Variants in SHANK2 observed in about 807,000 individuals in gnomAD.
SHANK2 encodes the protein SH3 and multiple ankyrin repeat domains 2.
SHANK2 carries 43 observed loss-of-function variants against 133.7 expected under a neutral mutation model. That is an observed-to-expected ratio of 0.32 (90% confidence interval 0.25 to 0.41). SHANK2 has a LOEUF of 0.41. Ranked by LOEUF, SHANK2 falls within the 10% of genes least tolerant of loss-of-function variation. The pLI is 1.00. For missense variants in SHANK2, 1,994 were observed against 2,235.8 expected (o/e 0.89, Z 2.18); for synonymous variants, 1,017 against 952.8 (o/e 1.07, Z -1.24).
intron 14 of SHANK2, among the ~76,000 whole-genome samples, chr11:70,755,299 T>A (rs1555038557): frequency 1.3e-5 from 2 of 152,218 alleles, no homozygotes; most frequent in Admixed American, 6.5e-5. Context: ...CTCGAACTCC[T>A]GACCTCAGGT....
intron 11 of SHANK2, among the ~76,000 whole-genome samples, chr11:70,875,855 C>CAAAAA (rs869042517): frequency 3.2e-5 from 3 of 94,972 alleles, no homozygotes; most frequent in African/African-American, 1.1e-4. Flanking sequence ...GACACTGTTT[C>CAAAAA]AAAAAAAAAA....
chr11:71,250,172 G>A (rs578256877), intron 1 of SHANK2, among the ~76,000 whole-genome samples: 8 of 152,146 alleles, frequency 5.3e-5, no homozygotes, highest in African/African-American at 1.4e-4. Context: ...GCTGTCAACC[G>A]AGCCCTCTGG....
At chr11:70,798,301 C>T in intron 14 of SHANK2, 142 bp downstream of exon 14, 2 of 659,194 alleles carry the variant, frequency 3.0e-6, no homozygotes, top group Non-Finnish European at 2.8e-6. Context: ...CAACCTGTTT[C>T]CAAAGATCTA....
chr11:70,662,741 CCA>C (rs1459007034), intron 15 of SHANK2, among the ~76,000 whole-genome samples: 1 of 152,064 alleles, frequency 6.6e-6, no homozygotes, highest in Non-Finnish European at 1.5e-5. Context: ...GCTCTAGTGG[CCA>C]CAGTGTCCTC....
At chr11:71,244,571 C>T (rs566637464) in intron 1 of SHANK2, among the ~76,000 whole-genome samples, 2 of 152,328 alleles carry the variant, frequency 1.3e-5, no homozygotes, top group South Asian at 2.1e-4. Context: ...AAGTGCACAA[C>T]GGAAGCTACA....
chr11:71,235,315 C>T (rs971444931), intron 1 of SHANK2, among the ~76,000 whole-genome samples: 4 of 152,114 alleles, frequency 2.6e-5, no homozygotes, highest in African/African-American at 7.2e-5. Flanking sequence ...TTGCACAGGA[C>T]GGGCACGGTG....
At chr11:70,623,563 GGAGA>G (rs1170586573) in intron 17 of SHANK2, among the ~76,000 whole-genome samples, 1 of 152,236 alleles carries the variant, frequency 6.6e-6, no homozygotes, top group African/African-American at 2.4e-5. Context: ...AAGGAAGGAA[GGAGA>G]GAGGGGACTG....
intron 17 of SHANK2, among the ~76,000 whole-genome samples, chr11:70,614,270 G>T (rs2060707178): frequency 6.6e-6 from 1 of 151,744 alleles, no homozygotes; most frequent in East Asian, 1.9e-4. Flanking sequence ...AGCATCCAAT[G>T]ACACAGTAAA....
chr11:70,614,317 GT>G (rs111288482), intron 17 of SHANK2, among the ~76,000 whole-genome samples: 31 of 146,908 alleles, frequency 2.1e-4, no homozygotes, highest in Non-Finnish European at 3.6e-4. Flanking sequence ...TGTGGGTTTT[GT>G]TTTTTTTTTT....
Position 71,092,409 on chromosome 11 carries a change from C to A in SHANK2, c.912+13G>T, listed in dbSNP as rs112097964. ...TCGTGGGTACAACAGAGTGGAGAAG[C>A]GGGCCCACGTACCTGGTGGATCTCG... On this transcript the variant is annotated intron_variant, in intron 8 of 25. Transcript: ENST00000601538. 3 of 1,550,852 alleles carry A rather than the reference C, an allele frequency of 1.9e-6. No individual in the cohort carries two copies. The highest frequency in any genetic ancestry group is 2.6e-6 in the Non-Finnish European group (3 of 1,146,778).
At chr11:70,856,152 G>A (rs868908792) in intron 11 of SHANK2, among the ~76,000 whole-genome samples, 15 of 151,918 alleles carry the variant, frequency 9.9e-5, no homozygotes, top group African/African-American at 3.6e-4. Context: ...GTGGATGGAT[G>A]GATGAATGGA....
At chr11:70,651,641 G>A (rs1043209998) in intron 17 of SHANK2, among the ~76,000 whole-genome samples, 4 of 152,150 alleles carry the variant, frequency 2.6e-5, no homozygotes, top group African/African-American at 7.2e-5. Flanking sequence ...GGATCCTGAC[G>A]ACACGGTGAG....
At chr11:70,545,356 A>G (rs1554976118) in intron 17 of SHANK2, among the ~76,000 whole-genome samples, 1 of 152,136 alleles carries the variant, frequency 6.6e-6, no homozygotes. Flanking sequence ...GACTCACTGC[A>G]GCCTTTGCTG....
intron 11 of SHANK2, among the ~76,000 whole-genome samples, chr11:70,862,248 G>A (rs1386180511): frequency 2.0e-5 from 3 of 152,210 alleles, no homozygotes; most frequent in African/African-American, 4.8e-5. Flanking sequence ...AACCTGCTGC[G>A]ATTAAGTGTC....
intron 11 of SHANK2, among the ~76,000 whole-genome samples, chr11:70,860,871 C>A (rs1343971323): frequency 2.6e-5 from 4 of 152,056 alleles, no homozygotes; most frequent in Admixed American, 2.6e-4. Flanking sequence ...AACAAACAAA[C>A]AAAAAAGAAA....
intron 11 of SHANK2, among the ~76,000 whole-genome samples, chr11:70,842,454 C>A (rs191609515): frequency 6.6e-6 from 1 of 152,340 alleles, no homozygotes; most frequent in African/African-American, 2.4e-5. Flanking sequence ...GGCCAGGCTG[C>A]ATAACCTGTC....
At chr11:70,637,866 A>G (rs2061126423) in intron 17 of SHANK2, among the ~76,000 whole-genome samples, 1 of 152,198 alleles carries the variant, frequency 6.6e-6, no homozygotes, top group African/African-American at 2.4e-5. Flanking sequence ...CTACCCAGTG[A>G]CGGGGCTGGA....
intron 2 of SHANK2, among the ~76,000 whole-genome samples, chr11:71,154,833 C>T (rs1952869886): frequency 7.8e-6 from 1 of 127,600 alleles, no homozygotes; most frequent in Admixed American, 7.6e-5. Context: ...CCAGCCCACG[C>T]TCCCAGAGGA....
Position 70,561,701 on chromosome 11 carries a change from A to C in SHANK2, c.2062-58770T>G, listed in dbSNP as rs553969013. On this transcript the variant is annotated intron_variant, in intron 17 of 25. Coordinates refer to ENST00000601538, the MANE Select transcript of SHANK2 (RefSeq NM_012309.5). The stretch of plus-strand genomic sequence containing the variant: ...GCACCGTCACACCCAGCTAGTTTTT[A>C]ACTTTTTGTAGAGATGGCAGGGGGG... Among the ~76,000 whole-genome samples, 4 of 94,984 alleles carry C rather than the reference A, an allele frequency of 4.2e-5. No homozygotes were observed. The East Asian group carries it at 1.2e-3, about 29-fold the overall frequency. 62.3% of individuals were successfully genotyped at this position (94,984 alleles called of 152,430 possible).
Sources: gnomAD v4.1 joint callset for allele counts (sites outside exome capture counted in the v4.1 genomes callset) on GRCh38, gnomAD v4.1.1 for gene constraint, MANE v1.5 for transcripts, NCBI Gene and HGNC (gene_info 2026-07-23, HGNC 2026-07-21) for gene names.